Variants in SEC61B observed in about 807,000 individuals in gnomAD.
SEC61B encodes the protein protein transport protein Sec61 subunit beta.
A neutral mutation model predicts 12.6 loss-of-function variants in SEC61B; 7 were observed. The observed-to-expected ratio is 0.55, with a 90% CI of 0.32 to 1.04. The LOEUF (loss-of-function observed/expected upper bound fraction) is 1.04. Ranked by LOEUF, SEC61B falls within the 50% of genes least tolerant of loss-of-function variation. The probability of loss-of-function intolerance (pLI) is 0.05; values close to 1 mark genes in which losing one functional copy is unlikely to be tolerated. For synonymous variants in SEC61B, 54 were observed against 50.1 expected (o/e 1.08, Z -0.33); for missense variants, 107 against 130.1 (o/e 0.82, Z 0.86).
At chr9:99,227,127 A>G (rs1828906265) in intron 2 of SEC61B, among the ~76,000 whole-genome samples, 1 of 151,952 alleles carries the variant, frequency 6.6e-6, no homozygotes, top group African/African-American at 2.4e-5. Flanking sequence ...TTAGCTGGGC[A>G]TGGTGGCGCA....
chr9:99,223,074 A>G (rs1459698592), intron 2 of SEC61B: 1 of 155,136 alleles, frequency 6.4e-6, no homozygotes, highest in African/African-American at 2.4e-5. Context: ...ACTGTTGTAC[A>G]CTCATTTACT....
chr9:99,225,575 G>A, intron 2 of SEC61B, among the ~76,000 whole-genome samples: 1 of 152,152 alleles, frequency 6.6e-6, no homozygotes, highest in East Asian at 1.9e-4. Context: ...ATAGAAGGGA[G>A]AGACAGTTAC....
Position 99,230,434 on chromosome 9 carries a change from C to A in SEC61B, c.*10C>A, listed in dbSNP as rs766477943. The A allele has an allele frequency of 5.8e-6, 9 of 1,559,134 alleles. No individual in the cohort carries two copies. In the African/African-American group the frequency reaches 1.2e-4, roughly 21 times the overall value. On this transcript the variant is annotated 3_prime_UTR_variant, in exon 4 of 4. Coordinates refer to ENST00000223641, the MANE Select transcript of SEC61B (RefSeq NM_006808.3). ...GTACACTCGTTCGTAGATTCAGTTA[C>A]ATCCATCTGTCATCTGAAGAAGGAG...
At position 99,224,772 on chromosome 9, in the gene SEC61B, A is replaced by G. The variant is rs1032181559; in HGVS notation, c.101+2129A>G. 7.9e-5 allele frequency among the ~76,000 whole-genome samples: 12 copies of G among 152,304 alleles called. No individual in the cohort carries two copies. In the East Asian group the frequency reaches 1.3e-3, roughly 17 times the overall value. On this transcript the variant is annotated intron_variant, in intron 2 of 3. Coordinates refer to ENST00000223641, the MANE Select transcript of SEC61B (RefSeq NM_006808.3). ...TGATTAAGTATCATTTCATGAGTAT[A>G]ATGTAATAAGTATTGGTTGTTTAAG...
In SEC61B at chr9:99,224,113, A is replaced by G. The variant is rs1263278063; in HGVS notation, c.101+1470A>G. ...CTAGGGAGGAAAAAATCTTGAACAC[A>G]TGCATGGAAACTTCTGAAGGATGTG... On this transcript the variant is annotated intron_variant, in intron 2 of 3. Coordinates refer to ENST00000223641, the MANE Select transcript of SEC61B (RefSeq NM_006808.3). 2.6e-5 allele frequency among the ~76,000 whole-genome samples: 4 copies of G among 152,348 alleles called. 1 individual carries two copies. The highest frequency in any genetic ancestry group is 1.5e-5 in the Non-Finnish European group (1 of 68,038).
intron 2 of SEC61B, chr9:99,222,890 T>G: frequency 2.4e-6 from 1 of 416,246 alleles, no homozygotes; most frequent in East Asian, 4.1e-5. Context: ...GAGATAACTT[T>G]GAGAAAACCG....
chr9:99,225,370 T>G (rs1053433766), intron 2 of SEC61B, among the ~76,000 whole-genome samples: 1 of 152,140 alleles, frequency 6.6e-6, no homozygotes, highest in Admixed American at 6.5e-5. Flanking sequence ...CAGTAGGTAA[T>G]ACCTGAGTAG....
chr9:99,222,411 A>G (rs1828836563), intron 1 of SEC61B, 45 bp downstream of exon 1: 1 of 1,612,958 alleles, frequency 6.2e-7, no homozygotes, highest in Non-Finnish European at 8.5e-7. Context: ...AGAAGCCCTG[A>G]CTCCTCCTGC....
At position 99,222,420 on chromosome 9, in the gene SEC61B, G is replaced by A. The variant is rs954081447; in HGVS notation, c.3+54G>A. 2.4e-5 allele frequency: 39 copies of A among 1,613,250 alleles called. No homozygotes were observed. In the Admixed American group the frequency reaches 6.5e-4, roughly 27 times the overall value. ...TCTCCCAGAAGCCCTGACTCCTCCTGCTTTGCGCCGTGCTTTTCCTCTGTA... is the reference window on the plus strand; with the variant it reads ...TCTCCCAGAAGCCCTGACTCCTCCTACTTTGCGCCGTGCTTTTCCTCTGTA... On this transcript the variant is annotated intron_variant, in intron 1 of 3. Coordinates refer to ENST00000223641, the MANE Select transcript of SEC61B (RefSeq NM_006808.3).
At chr9:99,222,930 A>AG (rs1261109507) in intron 2 of SEC61B, 1 of 316,694 alleles carries the variant, frequency 3.2e-6, no homozygotes, top group Non-Finnish European at 5.8e-6. Flanking sequence ...TCTGGACCTG[A>AG]GGTTTGCACT....
intron 2 of SEC61B, among the ~76,000 whole-genome samples, chr9:99,224,281 C>T (rs1462169457): frequency 1.3e-5 from 2 of 151,970 alleles, no homozygotes; most frequent in Non-Finnish European, 2.9e-5. Flanking sequence ...TTTTGAGTTC[C>T]CTGTCATTGG....
chr9:99,228,873 A>G (rs1406759996), intron 3 of SEC61B, among the ~76,000 whole-genome samples: 1 of 152,228 alleles, frequency 6.6e-6, no homozygotes, highest in Non-Finnish European at 1.5e-5. Flanking sequence ...TCAAAGACAC[A>G]CAACAAGAGG....
At chr9:99,229,158 T>C (rs1227649446) in intron 3 of SEC61B, among the ~76,000 whole-genome samples, 3 of 152,202 alleles carry the variant, frequency 2.0e-5, no homozygotes, top group East Asian at 3.8e-4. Context: ...ATTTAGTTTA[T>C]AAAGCCTTCC....
chr9:99,228,083 C>T (rs751467297), intron 3 of SEC61B, 83 bp downstream of exon 3: 135 of 1,085,046 alleles, frequency 1.2e-4, no homozygotes, highest in Admixed American at 2.5e-4. Flanking sequence ...TCACCAGTAG[C>T]GTTTGCCTTG....
At chr9:99,224,235 A>G (rs988048576) in intron 2 of SEC61B, among the ~76,000 whole-genome samples, 8 of 152,240 alleles carry the variant, frequency 5.3e-5, no homozygotes, top group African/African-American at 4.8e-5. Flanking sequence ...AGACATTCTA[A>G]TAGAACTGGC....
chr9:99,227,379 TTGTC>T (rs1229871856), intron 2 of SEC61B, among the ~76,000 whole-genome samples: 1 of 152,312 alleles, frequency 6.6e-6, no homozygotes, highest in South Asian at 2.1e-4. Context: ...CTTAAAGTTT[TTGTC>T]TGTTTGCAGT....
chr9:99,222,535 T>G lies in SEC61B; in HGVS notation c.4-11T>G, dbSNP rs1240867594. ...GCGCTCACCCGTCTGTCTGCTTGTCTCCCTCTACAGCCTGGTCCGACCCCC... is the reference window on the plus strand; with the variant it reads ...GCGCTCACCCGTCTGTCTGCTTGTCGCCCTCTACAGCCTGGTCCGACCCCC... On this transcript the variant is annotated splice_polypyrimidine_tract_variant and intron_variant, in intron 1 of 3. Coordinates refer to ENST00000223641, the MANE Select transcript of SEC61B (RefSeq NM_006808.3). 3 of 1,597,168 alleles carry G rather than the reference T, an allele frequency of 1.9e-6. No individual in the cohort carries two copies. The highest frequency in any genetic ancestry group is 2.6e-6 in the Non-Finnish European group (3 of 1,171,280).
chr9:99,222,498 G>A, intron 1 of SEC61B, 48 bp from the exon 2 acceptor site: 1 of 1,603,568 alleles, frequency 6.2e-7, no homozygotes, highest in Non-Finnish European at 8.5e-7. Context: ...GGGGTTCTGG[G>A]GCAGGCCTGC....
rs901273024 is a variant in SEC61B at position 99,229,571 on chromosome 9, C to T, written c.204-766C>T. ...TGTTGCCCAGGCTGGTTTCTAACTC[C>T]TGGCCTCAGCCTCTCAAAGTGCTGG... On this transcript the variant is annotated intron_variant, in intron 3 of 3. Transcript: ENST00000223641. Among the ~76,000 whole-genome samples the T allele has an allele frequency of 2.2e-4, 33 of 152,170 alleles. 1 individual carries two copies. Among genetic ancestry groups the T allele is most frequent in the Admixed American group, 1.7e-3 (26 of 15,294 alleles).
Sources: gnomAD v4.1 joint callset for allele counts (sites outside exome capture counted in the v4.1 genomes callset) on GRCh38, gnomAD v4.1.1 for gene constraint, MANE v1.5 for transcripts, NCBI Gene and HGNC (gene_info 2026-07-23, HGNC 2026-07-21) for gene names.